IST1: variants seen among roughly 807,000 people sequenced by gnomAD.
IST1 encodes the protein IST1 homolog.
A neutral mutation model predicts 37.0 loss-of-function variants in IST1; 23 were observed. The ratio of observed to expected loss-of-function variants is 0.62; its 90% CI spans 0.45 to 0.88. The LOEUF is 0.88. Among genes scored for constraint, IST1 ranks in the 40% least tolerant of loss-of-function variants. The pLI is 0.00. For missense variants in IST1, 488 were observed against 445.4 expected (o/e 1.10, Z -0.86); for synonymous variants, 180 against 161.7 (o/e 1.11, Z -0.86).
chr16:71,922,335 C>T, intron 6 of IST1, 139 bp from the exon 7 acceptor site: 10 of 725,440 alleles, frequency 1.4e-5, no homozygotes, highest in Non-Finnish European at 2.4e-5. Context: ...CTAACTCTGC[C>T]TTTTCTTCCC....
intron 1 of IST1, among the ~76,000 whole-genome samples, chr16:71,899,331 C>T (rs2037049714): frequency 6.6e-6 from 1 of 152,132 alleles, no homozygotes; most frequent in Non-Finnish European, 1.5e-5. Context: ...GTAATCCCAG[C>T]ACTTCGGGAG....
chr16:71,930,223 T>G lies in IST1; in HGVS notation c.*2410T>G, dbSNP rs534371549. The G allele has an allele frequency of 4.9e-4, 740 of 1,502,280 alleles. 6 individuals are homozygous for G. The South Asian group carries it at 5.5e-3, about 11-fold the overall frequency. 93.1% of individuals were successfully genotyped at this position (1,502,280 alleles called of 1,614,324 possible). On this transcript the variant is annotated 3_prime_UTR_variant, in exon 10 of 10. Transcript: ENST00000378799. ...AGAACACTTGCAGTGACTGACAATTTAGTTTATACTTTACAAACATAAGCT... is the reference window on the plus strand; with the variant it reads ...AGAACACTTGCAGTGACTGACAATTGAGTTTATACTTTACAAACATAAGCT...
intron 1 of IST1, among the ~76,000 whole-genome samples, chr16:71,912,974 A>G (rs1380217516): frequency 6.6e-6 from 1 of 152,146 alleles, no homozygotes; most frequent in East Asian, 1.9e-4. Context: ...TTGTATGTGT[A>G]GACCACATTT....
intron 2 of IST1, 139 bp from the exon 3 acceptor site, chr16:71,916,323 G>A (rs2037465240): frequency 1.3e-6 from 1 of 746,566 alleles, no homozygotes; most frequent in South Asian, 1.9e-5. Context: ...ACAGTAGAGG[G>A]GATGGGATTA....
rs1260428334 is a variant in IST1 at position 71,929,022 on chromosome 16, G to A, written c.*1209G>A. 6.5e-6 allele frequency: 1 copy of A among 153,090 alleles called. No homozygotes were observed. The highest frequency in any genetic ancestry group is 1.5e-5 in the Non-Finnish European group (1 of 68,630). The allele number at this position is 153,090 out of a possible 1,614,324, so 9.5% of individuals were successfully genotyped here. On this transcript the variant is annotated 3_prime_UTR_variant, in exon 10 of 10. Coordinates refer to ENST00000378799, the MANE Select transcript of IST1 (RefSeq NM_001270975.2). ...GATCCTGTGTCCTGCTTTCTCTACT[G>A]TTTGGTCAGATGATGAAGTATAAAT...
chr16:71,910,549 T>A (rs991241243), intron 1 of IST1, among the ~76,000 whole-genome samples: 10 of 145,642 alleles, frequency 6.9e-5, no homozygotes, highest in Non-Finnish European at 1.2e-4. Context: ...GAGCTTGCAG[T>A]GGGCCGAGAT....
rs139513735 is a variant in IST1, at chr16:71,921,367, G to T, written c.466G>T (p.Ala156Ser). The part of the protein sequence containing the change: ...DRLMHKLSVE[A>S]PPKILVERYL... ...GCTAATGCACAAGCTGAGTGTGGAA[G>T]CCCCACCCAAAATCCTGGTGGAGAG... The change falls in exon 6 of 10, where the codon GCC becomes TCC. Residue 156 changes from alanine (A) to serine (S), a missense_variant. By Grantham distance (99) the Ala-to-Ser change is moderately conservative. Around this residue, in one of 2 missense-constraint regions of IST1, gnomAD observed 455 missense variants for 386.2 expected, o/e 1.18. Transcript: ENST00000378799. 1 of 1,612,464 alleles carries T rather than the reference G, an allele frequency of 6.2e-7. No homozygotes were observed. Among genetic ancestry groups the T allele is most frequent in the Non-Finnish European group, 8.5e-7 (1 of 1,179,050 alleles).
chr16:71,928,949 T>C lies in IST1; in HGVS notation c.*1136T>C, dbSNP rs140175731. The C allele has an allele frequency of 6.6e-6, 1 of 152,198 alleles. No individual in the cohort carries two copies. Among genetic ancestry groups the C allele is most frequent in the East Asian group, 1.9e-4 (1 of 5,196 alleles). The allele number at this position is 152,198 out of a possible 1,614,324, so 9.4% of individuals were successfully genotyped here. A position where few individuals can be genotyped will look rare whatever the true frequency, so the allele number is the denominator to read the frequency against. ...TTTCAGGCAGCCTTTCTTTAATGTT[T>C]TCAGTTGGTTTGTATTCTGTAGCTC... On this transcript the variant is annotated 3_prime_UTR_variant, in exon 10 of 10. Transcript: ENST00000378799.
rs943656976 is a variant in IST1 at position 71,927,703 on chromosome 16, G to C, written c.991G>C (p.Val331Leu). Residue 331 changes from valine to leucine, a missense_variant, in exon 10 of 10, where the codon GTG becomes CTG. By Grantham distance (32) the Val-to-Leu change is conservative (BLOSUM62 1). Transcript: ENST00000378799. ...CTTTGTCCTACCAGAGTTGCCATCT[G>C]TGCCAGACACACTACCAACTGCATC... ...DNFVLPELPS[V>L]PDTLPTASAG... is the part of the protein sequence containing the mutation. 4 of 1,613,580 alleles carry C rather than the reference G, an allele frequency of 2.5e-6. No individual in the cohort carries two copies. In the African/African-American group the frequency reaches 4.0e-5, roughly 16 times the overall value.
At position 71,930,210 on chromosome 16, in the gene IST1, G is replaced by T; in HGVS notation, c.*2397G>T. 6.6e-7 allele frequency: 1 copy of T among 1,522,816 alleles called. No homozygotes were observed. Among genetic ancestry groups the T allele is most frequent in the Non-Finnish European group, 8.8e-7 (1 of 1,133,684 alleles). The allele number at this position is 1,522,816 out of a possible 1,614,324, so 94.3% of individuals were successfully genotyped here. A position where few individuals can be genotyped will look rare whatever the true frequency, so the allele number is the denominator to read the frequency against. ...TGGGAAAACAATAAGAACACTTGCA[G>T]TGACTGACAATTTAGTTTATACTTT... is the stretch of plus-strand genomic sequence containing the variant. On this transcript the variant is annotated 3_prime_UTR_variant, in exon 10 of 10. Coordinates refer to ENST00000378799, the MANE Select transcript of IST1 (RefSeq NM_001270975.2).
intron 9 of IST1, among the ~76,000 whole-genome samples, chr16:71,925,311 A>C (rs575959869): frequency 7.7e-6 from 1 of 129,296 alleles, no homozygotes; most frequent in South Asian, 2.4e-4. Context: ...CACTGCCCCC[A>C]GCTGATTTTT....
Position 71,917,156 on chromosome 16 carries a change from G to C in IST1, c.357+22G>C, listed in dbSNP as rs774339254. 3 of 1,393,362 alleles carry C rather than the reference G, an allele frequency of 2.2e-6. No individual in the cohort carries two copies. In the East Asian group the frequency reaches 6.8e-5, roughly 32 times the overall value. The allele number at this position is 1,393,362 out of a possible 1,614,324, so 86.3% of individuals were successfully genotyped here. The stretch of plus-strand genomic sequence containing the variant: ...AATAGTGAGTACAAGTAGTTTCAGT[G>C]ATGTCTGTAGCTTTTCATATTGTTA... On this transcript the variant is annotated intron_variant, in intron 4 of 9. Coordinates refer to ENST00000378799, the MANE Select transcript of IST1 (RefSeq NM_001270975.2).
intron 8 of IST1, 200 bp from the exon 9 acceptor site, chr16:71,924,569 T>TATCACTGCACTCCA (rs2037691559): frequency 1.7e-6 from 1 of 601,102 alleles, no homozygotes; most frequent in African/African-American, 1.9e-5. Flanking sequence ...CCAGCCTGGG[T>TATCACTGCACTCCA]GACAGGAGAC....
intron 1 of IST1, among the ~76,000 whole-genome samples, chr16:71,902,294 A>G (rs1215374263): frequency 6.6e-6 from 1 of 152,102 alleles, no homozygotes; most frequent in Middle Eastern, 3.4e-3. Flanking sequence ...TTTTGAGACA[A>G]AGTCTGGCTC....
At chr16:71,927,486 C>CAA (rs34382355) in intron 9 of IST1, 128 bp from the exon 10 acceptor site, 11,915 of 597,226 alleles carry the variant, frequency 0.02, 290 homozygotes, top group African/African-American at 0.12. Context: ...GAGACTGTCT[C>CAA]AAAAAAAAAA....
intron 1 of IST1, among the ~76,000 whole-genome samples, chr16:71,901,453 T>A (rs2037106906): frequency 6.6e-6 from 1 of 152,202 alleles, no homozygotes; most frequent in Non-Finnish European, 1.5e-5. Context: ...GACCTCGTGA[T>A]CCACCCACCT....
intron 4 of IST1, among the ~76,000 whole-genome samples, chr16:71,919,978 A>G (rs993864077): frequency 7.9e-5 from 12 of 152,240 alleles, no homozygotes; most frequent in African/African-American, 2.4e-4. Context: ...AACAATGGCG[A>G]GCGCACACTG....
Position 71,927,722 on chromosome 16 carries a change from C to T in IST1, c.1010C>T (p.Thr337Ile). ...CCATCTGTGCCAGACACACTACCAA[C>T]TGCATCTGCTGGTGCCAGCACCTCA... ...ELPSVPDTLP[T>I]ASAGASTSAS... The change falls in exon 10 of 10, where the codon ACT (threonine) becomes ATT (isoleucine). Residue 337 changes from threonine (T) to isoleucine (I), a missense_variant. Physicochemically the swap from Thr to Ile is moderately conservative, Grantham distance 89 (BLOSUM62 -1). Coordinates refer to ENST00000378799, the MANE Select transcript of IST1 (RefSeq NM_001270975.2). 3.1e-6 allele frequency: 5 copies of T among 1,613,706 alleles called. 1 individual carries two copies. In the African/African-American group the frequency reaches 5.3e-5, roughly 17 times the overall value.
At chr16:71,905,587 C>A (rs2037206043) in intron 1 of IST1, among the ~76,000 whole-genome samples, 1 of 152,050 alleles carries the variant, frequency 6.6e-6, no homozygotes, top group African/African-American at 2.4e-5. Context: ...ACCATGTTGG[C>A]CAGGCTGGTC....
Sources: allele counts gnomAD v4.1 joint callset (sites outside exome capture counted in the v4.1 genomes callset), GRCh38; gene constraint gnomAD v4.1.1; regional missense constraint gnomAD v4.1.1; transcripts MANE v1.5; gene names NCBI Gene and HGNC (gene_info 2026-07-23, HGNC 2026-07-21).